EFNA5: variants seen among roughly 807,000 people sequenced by gnomAD.
The protein encoded by EFNA5 is ephrin-A5.
A neutral mutation model predicts 22.9 loss-of-function variants in EFNA5; 5 were observed. That is an observed-to-expected ratio of 0.22 (90% CI 0.11 to 0.46). The LOEUF is 0.46. Ranked by LOEUF, EFNA5 falls within the 20% of genes least tolerant of loss-of-function variation. The probability of loss-of-function intolerance (pLI) is 0.99; values close to 1 mark genes in which losing one functional copy is unlikely to be tolerated. For synonymous variants in EFNA5, 113 were observed against 112.2 expected, an observed-to-expected ratio of 1.01 and a Z score of -0.04; for missense variants, 237 against 293.3, an observed-to-expected ratio of 0.81 and a Z score of 1.40.
intron 1 of EFNA5, among the ~76,000 whole-genome samples, chr5:107,502,778 C>G (rs186010816): frequency 2.0e-5 from 3 of 152,200 alleles, no homozygotes; most frequent in South Asian, 2.1e-4. Flanking sequence ...CGCAGGCATA[C>G]GACACTCCAT....
At chr5:107,451,637 T>C (rs1749563168) in intron 1 of EFNA5, among the ~76,000 whole-genome samples, 1 of 152,140 alleles carries the variant, frequency 6.6e-6, no homozygotes. Context: ...AAAACCTAAA[T>C]GAATGAGTGA....
chr5:107,391,290 T>A (rs1240572866), intron 2 of EFNA5, among the ~76,000 whole-genome samples: 1 of 152,206 alleles, frequency 6.6e-6, no homozygotes, highest in African/African-American at 2.4e-5. Flanking sequence ...GACATAAATA[T>A]GAACCACAGT....
chr5:107,435,472 A>G (rs1749087516), intron 1 of EFNA5, among the ~76,000 whole-genome samples: 1 of 152,142 alleles, frequency 6.6e-6, no homozygotes, highest in Admixed American at 6.5e-5. Flanking sequence ...TCATGGACTG[A>G]AACATGTCTA....
chr5:107,387,932 A>G (rs1299437819), intron 2 of EFNA5, among the ~76,000 whole-genome samples, 161 bp from the exon 3 acceptor site: 1 of 152,242 alleles, frequency 6.6e-6, no homozygotes, highest in African/African-American at 2.4e-5. Context: ...AGTACTTTTC[A>G]GGTCTCACTG....
At chr5:107,559,461 A>G (rs1748491587) in intron 1 of EFNA5, among the ~76,000 whole-genome samples, 1 of 152,188 alleles carries the variant, frequency 6.6e-6, no homozygotes, top group Admixed American at 6.5e-5. Flanking sequence ...GGAATAAATG[A>G]ATTGCTCTTG....
rs561035908 is a variant in EFNA5, at chr5:107,592,626, C to G, written c.125+77863G>C. On this transcript the variant is annotated intron_variant, in intron 1 of 4. Coordinates refer to ENST00000333274, the MANE Select transcript of EFNA5 (RefSeq NM_001962.3). ...TATTCCATGCAGGTTAGGGGAGCACCAGGCCGCAGTCAGAACATGACTGCC... is the reference window on the plus strand; with the variant it reads ...TATTCCATGCAGGTTAGGGGAGCACGAGGCCGCAGTCAGAACATGACTGCC... 2.0e-5 allele frequency among the ~76,000 whole-genome samples: 3 copies of G among 152,222 alleles called. No individual in the cohort carries two copies. The East Asian group carries it at 5.8e-4, about 29-fold the overall frequency.
chr5:107,531,446 A>C (rs563440371), intron 1 of EFNA5, among the ~76,000 whole-genome samples: 17 of 152,224 alleles, frequency 1.1e-4, no homozygotes, highest in Admixed American at 1.0e-3. Flanking sequence ...GCCTAAAAAA[A>C]CTGGAGACAT....
chr5:107,598,619 C>T (rs1191711627), intron 1 of EFNA5, among the ~76,000 whole-genome samples: 1 of 152,038 alleles, frequency 6.6e-6, no homozygotes, highest in Non-Finnish European at 1.5e-5. Flanking sequence ...CTTCTGAACC[C>T]ATAAATACAT....
In EFNA5 at chr5:107,427,634, G is replaced by A. The variant is rs954502177; in HGVS notation, c.126-125C>T. ...CTAGTATAGTAAGTTCTTACTGAAT[G>A]CCATTATGATTTGGGGCATGGTTTG... On this transcript the variant is annotated intron_variant, in intron 1 of 4. Coordinates refer to ENST00000333274, the MANE Select transcript of EFNA5 (RefSeq NM_001962.3). The A allele has an allele frequency of 1.5e-5, 12 of 816,008 alleles. No homozygotes were observed. In the African/African-American group the frequency reaches 1.9e-4, roughly 13 times the overall value. The allele number at this position is 816,008 out of a possible 1,614,324, so 50.5% of individuals were successfully genotyped here.
At chr5:107,465,662 C>T (rs115430257) in intron 1 of EFNA5, among the ~76,000 whole-genome samples, 45 of 152,162 alleles carry the variant, frequency 3.0e-4, no homozygotes, top group South Asian at 2.9e-3. Flanking sequence ...ATCACAGCAG[C>T]GTAAGAAATG....
chr5:107,543,652 AG>A (rs1370307620), intron 1 of EFNA5, among the ~76,000 whole-genome samples: 1 of 152,246 alleles, frequency 6.6e-6, no homozygotes, highest in Non-Finnish European at 1.5e-5. Flanking sequence ...GCAGACTAAA[AG>A]AAAGGAAGAG....
chr5:107,584,390 T>A (rs1035546345), intron 1 of EFNA5, among the ~76,000 whole-genome samples: 2 of 152,156 alleles, frequency 1.3e-5, no homozygotes, highest in South Asian at 4.1e-4. Context: ...AGCCCCAAAT[T>A]CAGTCCTTTC....
chr5:107,644,488 A>T (rs1027118449), intron 1 of EFNA5, among the ~76,000 whole-genome samples: 2 of 152,236 alleles, frequency 1.3e-5, no homozygotes, highest in East Asian at 3.8e-4. Context: ...GCATCCAAAG[A>T]AATCTCATAT....
At chr5:107,518,579 G>GT (rs1274007153) in intron 1 of EFNA5, among the ~76,000 whole-genome samples, 1 of 83,130 alleles carries the variant, frequency 1.2e-5, no homozygotes, top group Non-Finnish European at 2.4e-5. Flanking sequence ...GGTACACCAT[G>GT]CCAAAAAAAA....
chr5:107,427,318 T>C lies in EFNA5; in HGVS notation c.317A>G (p.His106Arg), dbSNP rs373469834. The change falls in exon 2 of 5, where the codon CAC (histidine) becomes CGC (arginine). Residue 106 changes from histidine to arginine, a missense_variant. Physicochemically the swap from His to Arg is conservative, Grantham distance 29 (BLOSUM62 0). Transcript: ENST00000333274. ...GAACTTCAGCGGTCCATTTGGAGAG[T>C]GAGGCCGGTTACATTCCCATCTCTT... ...GFKRWECNRPHSPNGPLKFSE... is the reference protein window; with the variant it reads ...GFKRWECNRPRSPNGPLKFSE... 8 of 1,613,858 alleles carry C rather than the reference T, an allele frequency of 5.0e-6. No individual in the cohort carries two copies. Among genetic ancestry groups the C allele is most frequent in the Admixed American group, 1.7e-5 (1 of 59,984 alleles).
At chr5:107,440,614 A>G (rs563549064) in intron 1 of EFNA5, among the ~76,000 whole-genome samples, 2 of 152,334 alleles carry the variant, frequency 1.3e-5, no homozygotes, top group African/African-American at 4.8e-5. Context: ...AGACAGGGTC[A>G]CAACTTACTT....
chr5:107,655,477 G>C (rs967240074), intron 1 of EFNA5, among the ~76,000 whole-genome samples: 54 of 152,060 alleles, frequency 3.6e-4, no homozygotes, highest in African/African-American at 3.9e-4. Flanking sequence ...TTTTGGTATG[G>C]CTTATGTTAG....
At position 107,548,860 on chromosome 5, in the gene EFNA5, A is replaced by G. The variant is rs533029654; in HGVS notation, c.126-121351T>C. On this transcript the variant is annotated intron_variant, in intron 1 of 4. Transcript: ENST00000333274. Reference sequence around the variant, plus strand: ...GTGTAAAGTGGAAGAAGTCTAGCCAAGTAAAAGTCTTCGAGAGGATTTGCT... The same window carrying G: ...GTGTAAAGTGGAAGAAGTCTAGCCAGGTAAAAGTCTTCGAGAGGATTTGCT... Among the ~76,000 whole-genome samples the G allele has an allele frequency of 6.9e-4, 105 of 152,240 alleles. 2 individuals are homozygous for G. The highest frequency in any genetic ancestry group is 1.8e-4 in the Non-Finnish European group (12 of 68,022).
intron 1 of EFNA5, among the ~76,000 whole-genome samples, chr5:107,641,021 T>TAGATAGATAGATAGACAGACAGAC (rs796272956): frequency 2.7e-5 from 3 of 111,942 alleles, no homozygotes; most frequent in African/African-American, 9.1e-5. Context: ...GATAGATAGA[T>TAGATAGATAGATAGACAGACAGAC]AGACAGACAG....
Sources: gnomAD v4.1 joint callset for allele counts (sites outside exome capture counted in the v4.1 genomes callset) on GRCh38, gnomAD v4.1.1 for gene constraint, MANE v1.5 for transcripts, NCBI Gene and HGNC (gene_info 2026-07-23, HGNC 2026-07-21) for gene names.